Variants in ADAM12 observed in about 807,000 individuals in gnomAD.
The protein encoded by ADAM12 is disintegrin and metalloproteinase domain-containing protein 12.
A neutral mutation model predicts 106.4 loss-of-function variants in ADAM12; 70 were observed. The observed-to-expected ratio is 0.66, with a 90% CI of 0.54 to 0.80. The LOEUF (loss-of-function observed/expected upper bound fraction) is 0.80, where lower values mean the gene tolerates loss of function less well. ADAM12 is among the 30% of genes least tolerant of loss of function. The pLI, the probability that ADAM12 is intolerant of heterozygous loss-of-function variation, is 0.00. For synonymous variants in ADAM12, 420 were observed against 433.5 expected, an observed-to-expected ratio of 0.97 and a Z score of 0.39; for missense variants, 1,010 against 1,171.9, an observed-to-expected ratio of 0.86 and a Z score of 2.02.
At chr10:126,374,458 GAA>G (rs893089601) in intron 1 of ADAM12, among the ~76,000 whole-genome samples, 2 of 151,950 alleles carry the variant, frequency 1.3e-5, no homozygotes, top group Admixed American at 6.6e-5. Flanking sequence ...AGAATACAAA[GAA>G]AAGATAATAA....
At chr10:126,289,353 G>A (rs1262471303) in intron 2 of ADAM12, among the ~76,000 whole-genome samples, 4 of 152,236 alleles carry the variant, frequency 2.6e-5, no homozygotes, top group Admixed American at 6.5e-5. Context: ...GGCCGAGGCC[G>A]GGATGAGTCT....
At chr10:126,190,161 G>A (rs1392399726) in intron 3 of ADAM12, among the ~76,000 whole-genome samples, 2 of 151,782 alleles carry the variant, frequency 1.3e-5, no homozygotes, top group South Asian at 2.1e-4. Context: ...GGGGACTAGC[G>A]TGTAGCGTGC....
chr10:126,078,560 C>T (rs1450584181), intron 11 of ADAM12, among the ~76,000 whole-genome samples: 3 of 152,174 alleles, frequency 2.0e-5, no homozygotes, highest in African/African-American at 4.8e-5. Flanking sequence ...CATGTGTCAC[C>T]ATATTCTGGC....
At chr10:126,106,554 C>T (rs1200679271) in intron 8 of ADAM12, among the ~76,000 whole-genome samples, 4 of 148,058 alleles carry the variant, frequency 2.7e-5, no homozygotes, top group African/African-American at 7.5e-5. Context: ...GGCGTGATCT[C>T]GGCTCACTGC....
At chr10:126,042,885 C>A (rs1954212483) in intron 18 of ADAM12, among the ~76,000 whole-genome samples, 155 bp downstream of exon 18, 1 of 152,216 alleles carries the variant, frequency 6.6e-6, no homozygotes, top group African/African-American at 2.4e-5. Flanking sequence ...AGAGGGGCAT[C>A]TGGAAACTGC....
At chr10:126,028,016 C>A (rs1022091664) in intron 21 of ADAM12, among the ~76,000 whole-genome samples, 2 of 152,254 alleles carry the variant, frequency 1.3e-5, no homozygotes, top group African/African-American at 4.8e-5. Flanking sequence ...AATCAATGTG[C>A]AAAAATTGCT....
At chr10:126,039,268 C>T (rs1473080472) in intron 19 of ADAM12, 26 bp downstream of exon 19, 5 of 1,612,328 alleles carry the variant, frequency 3.1e-6, no homozygotes, top group African/African-American at 1.3e-5. Flanking sequence ...ATTTCTAGAA[C>T]AGATGACAAG....
intron 3 of ADAM12, among the ~76,000 whole-genome samples, chr10:126,235,313 CG>C (rs1374858918): frequency 6.6e-6 from 1 of 152,186 alleles, no homozygotes; most frequent in African/African-American, 2.4e-5. Context: ...CTGGGTGTGT[CG>C]GAGGAGGCTC....
intron 3 of ADAM12, among the ~76,000 whole-genome samples, chr10:126,165,325 G>A (rs960727700): frequency 3.3e-5 from 5 of 152,070 alleles, no homozygotes; most frequent in African/African-American, 1.2e-4. Context: ...ACACCATTAC[G>A]CCTGGTTAAT....
intron 14 of ADAM12, among the ~76,000 whole-genome samples, chr10:126,059,425 A>G (rs1220982457): frequency 1.3e-5 from 2 of 152,238 alleles, no homozygotes; most frequent in Non-Finnish European, 2.9e-5. Flanking sequence ...TCATCAGAAA[A>G]TGAAGTCCAA....
At chr10:126,281,154 C>T (rs1325786870) in intron 2 of ADAM12, among the ~76,000 whole-genome samples, 1 of 152,004 alleles carries the variant, frequency 6.6e-6, no homozygotes, top group African/African-American at 2.4e-5. Flanking sequence ...GTGTGAAGAA[C>T]AAGATTATTA....
At chr10:126,218,348 A>T (rs1019065215) in intron 3 of ADAM12, among the ~76,000 whole-genome samples, 1 of 152,178 alleles carries the variant, frequency 6.6e-6, no homozygotes, top group Non-Finnish European at 1.5e-5. Context: ...ACATCAACTC[A>T]CCAAGGTAGG....
intron 3 of ADAM12, among the ~76,000 whole-genome samples, chr10:126,252,073 G>A (rs527700751): frequency 1.8e-4 from 27 of 151,424 alleles, no homozygotes; most frequent in Admixed American, 4.6e-4. Context: ...TGATGGATGG[G>A]ATGAATGGAT....
chr10:126,376,354 A>G (rs1688061051), intron 1 of ADAM12, among the ~76,000 whole-genome samples: 1 of 152,220 alleles, frequency 6.6e-6, no homozygotes. Context: ...ACAACTTTCA[A>G]TAAGGAAATG....
intron 11 of ADAM12, among the ~76,000 whole-genome samples, chr10:126,092,993 C>T (rs1487883285): frequency 6.6e-6 from 1 of 152,228 alleles, no homozygotes; most frequent in African/African-American, 2.4e-5. Context: ...GGTATCCCCT[C>T]ACACCACGCT....
intron 3 of ADAM12, among the ~76,000 whole-genome samples, chr10:126,256,041 G>A (rs1958885954): frequency 6.6e-6 from 1 of 152,158 alleles, no homozygotes; most frequent in African/African-American, 2.4e-5. Flanking sequence ...GACCAGCCAA[G>A]TCTGCCACGG....
At chr10:126,289,029 T>C (rs1041261820) in intron 2 of ADAM12, among the ~76,000 whole-genome samples, 6 of 139,704 alleles carry the variant, frequency 4.3e-5, no homozygotes, top group African/African-American at 1.6e-4. Flanking sequence ...AGGAATAAGA[T>C]TGTGTGGTGA....
chr10:126,232,583 G>T (rs1590655731), intron 3 of ADAM12, among the ~76,000 whole-genome samples: 1 of 152,152 alleles, frequency 6.6e-6, no homozygotes, highest in African/African-American at 2.4e-5. Context: ...CAAGCAATCT[G>T]CTCTCTCTTT....
At chr10:126,095,619 G>T (rs1474096273) in intron 10 of ADAM12, among the ~76,000 whole-genome samples, 2 of 151,686 alleles carry the variant, frequency 1.3e-5, no homozygotes, top group African/African-American at 4.8e-5. Flanking sequence ...GGACTAATGG[G>T]TTAATGCATT....
Sources: gnomAD v4.1 joint callset for allele counts (sites outside exome capture counted in the v4.1 genomes callset) on GRCh38, gnomAD v4.1.1 for gene constraint, MANE v1.5 for transcripts, NCBI Gene and HGNC (gene_info 2026-07-23, HGNC 2026-07-21) for gene names.